The following DTD1 variants were observed in gnomAD, a reference collection of about 807,000 sequenced individuals.
DTD1 encodes D-aminoacyl-tRNA deacylase 1, also known as D-tyrosyl-tRNA deacylase 1 homolog.
In DTD1, 13 loss-of-function variants were observed where a neutral mutation model predicts 25.6. The observed-to-expected ratio is 0.51, with a 90% CI of 0.33 to 0.81. DTD1 has a LOEUF of 0.81. Among genes scored for constraint, DTD1 ranks in the 30% least tolerant of loss-of-function variants. DTD1 has a pLI of 0.02. For missense variants in DTD1, 193 were observed against 266.4 expected (o/e 0.72, Z 1.92); for synonymous variants, 110 against 103.6 (o/e 1.06, Z -0.37).
At position 18,588,129 on chromosome 20, in the gene DTD1, G is replaced by C; in HGVS notation, c.43+14G>C. 1 of 1,271,276 alleles carries C rather than the reference G, an allele frequency of 7.9e-7. No individual in the cohort carries two copies. Among genetic ancestry groups the C allele is most frequent in the Non-Finnish European group, 9.9e-7 (1 of 1,009,808 alleles). The allele number at this position is 1,271,276 out of a possible 1,614,324, so 78.7% of individuals were successfully genotyped here. ...CCAGCGTCACAGGTCAGTCGGGCGG[G>C]GCCGGGCCCGGGAGGAGCCGCCCCT... On this transcript the variant is annotated intron_variant, in intron 1 of 5. Coordinates refer to ENST00000377452, the MANE Select transcript of DTD1 (RefSeq NM_080820.6).
intron 3 of DTD1, among the ~76,000 whole-genome samples, chr20:18,602,702 T>C (rs2060640401): frequency 2.5e-5 from 1 of 39,600 alleles, no homozygotes; most frequent in African/African-American, 9.2e-5. Flanking sequence ...AGAAATAAAA[T>C]ACTTTACAGA....
intron 4 of DTD1, among the ~76,000 whole-genome samples, chr20:18,686,364 G>A (rs2061016470): frequency 6.6e-6 from 1 of 152,120 alleles, no homozygotes; most frequent in African/African-American, 2.4e-5. Context: ...ATCTATTTTT[G>A]CATATATACC....
intron 4 of DTD1, among the ~76,000 whole-genome samples, chr20:18,647,832 G>A (rs189341359): frequency 1.3e-5 from 2 of 152,120 alleles, no homozygotes; most frequent in Non-Finnish European, 2.9e-5. Context: ...GATTGGACTG[G>A]GCAAGGTAAA....
intron 3 of DTD1, among the ~76,000 whole-genome samples, chr20:18,605,772 CAAT>C (rs558194705): frequency 0.43 from 34,788 of 80,334 alleles, 6,946 homozygotes; most frequent in Non-Finnish European, 0.47. Flanking sequence ...ATACAAAAAT[CAAT>C]TCAAGATGGA....
At chr20:18,727,587 A>G (rs1157756226) in intron 4 of DTD1, among the ~76,000 whole-genome samples, 1 of 152,198 alleles carries the variant, frequency 6.6e-6, no homozygotes, top group Non-Finnish European at 1.5e-5. Context: ...CAGTCCGCAC[A>G]TGTGAAGTGC....
Position 18,727,734 on chromosome 20 carries a change from AAAG to A in DTD1, c.478-16365_478-16363del, listed in dbSNP as rs1300544336. Among the ~76,000 whole-genome samples, 4 of 152,280 alleles carry A rather than the reference AAAG, an allele frequency of 2.6e-5. No individual in the cohort carries two copies. The East Asian group carries it at 7.7e-4, about 29-fold the overall frequency. On this transcript the variant is annotated intron_variant, in intron 4 of 5. Coordinates refer to ENST00000377452, the MANE Select transcript of DTD1 (RefSeq NM_080820.6). ...TTTCTCTATTTTGGGCATTCCATGTAAAGGAGGGCACACAGTATGTGACCTTTG... is the reference window on the plus strand; with the variant it reads ...TTTCTCTATTTTGGGCATTCCATGTAGAGGGCACACAGTATGTGACCTTTG...
At chr20:18,724,010 C>T (rs1276170795) in intron 4 of DTD1, among the ~76,000 whole-genome samples, 3 of 152,250 alleles carry the variant, frequency 2.0e-5, no homozygotes, top group East Asian at 1.9e-4. Flanking sequence ...CCAGGCATTG[C>T]GTGGAGACAC....
rs758822457 is a variant in DTD1 at position 18,628,159 on chromosome 20, A to G, written c.403A>G (p.Ile135Val). 148 of 1,613,804 alleles carry G rather than the reference A, an allele frequency of 9.2e-5. No individual in the cohort carries two copies. The highest frequency in any genetic ancestry group is 1.2e-4 in the Non-Finnish European group (143 of 1,179,850). The change falls in exon 4 of 6, where the codon ATT (isoleucine) becomes GTT (valine). Residue 135 changes from isoleucine to valine, a missense_variant. Coordinates refer to ENST00000377452, the MANE Select transcript of DTD1 (RefSeq NM_080820.6). ...GKFGAYMQVH[I>V]QNDGPVTIEL... Reference sequence around the variant, plus strand: ...GTTTGGGGCCTACATGCAGGTGCACATTCAGAATGATGGGCCTGTGACCAT... The same window carrying G: ...GTTTGGGGCCTACATGCAGGTGCACGTTCAGAATGATGGGCCTGTGACCAT...
At chr20:18,648,105 T>C (rs79235158) in intron 4 of DTD1, among the ~76,000 whole-genome samples, 9 of 152,318 alleles carry the variant, frequency 5.9e-5, no homozygotes, top group East Asian at 1.9e-4. Context: ...CCCTTCATTG[T>C]TGGCTCATAT....
At chr20:18,635,511 G>A (rs1434259349) in intron 4 of DTD1, among the ~76,000 whole-genome samples, 1 of 152,178 alleles carries the variant, frequency 6.6e-6, no homozygotes, top group Non-Finnish European at 1.5e-5. Context: ...AGCCCTCTGG[G>A]GAGTGAGTTG....
chr20:18,733,706 T>C (rs1676504848), intron 4 of DTD1, among the ~76,000 whole-genome samples: 2 of 152,102 alleles, frequency 1.3e-5, no homozygotes, highest in South Asian at 2.1e-4. Context: ...TTTCAAACAA[T>C]GGGGAATTAG....
chr20:18,672,178 G>A (rs1277582093), intron 4 of DTD1, among the ~76,000 whole-genome samples: 1 of 152,284 alleles, frequency 6.6e-6, no homozygotes, highest in African/African-American at 2.4e-5. Flanking sequence ...AGGCTGCAGT[G>A]AGCAGTGATT....
At chr20:18,695,002 A>T (rs1049650497) in intron 4 of DTD1, among the ~76,000 whole-genome samples, 1 of 152,124 alleles carries the variant, frequency 6.6e-6, no homozygotes, top group Non-Finnish European at 1.5e-5. Context: ...GTGCCAATAG[A>T]TTCCCTTCAG....
chr20:18,634,510 A>G (rs1473856747), intron 4 of DTD1, among the ~76,000 whole-genome samples: 1 of 152,224 alleles, frequency 6.6e-6, no homozygotes, highest in Non-Finnish European at 1.5e-5. Flanking sequence ...TTTATTGACA[A>G]ATCACTGGGA....
chr20:18,643,290 G>T, intron 4 of DTD1: 2 of 340,682 alleles, frequency 5.9e-6, no homozygotes, highest in South Asian at 5.2e-5. Flanking sequence ...ATGCCTTGTT[G>T]AGAGTGCGTA....
chr20:18,651,038 AC>A (rs2060872239), intron 4 of DTD1, among the ~76,000 whole-genome samples: 1 of 152,240 alleles, frequency 6.6e-6, no homozygotes, highest in African/African-American at 2.4e-5. Context: ...CTGAAAGAGA[AC>A]CTGATTATTT....
chr20:18,723,257 C>A (rs2061211772), intron 4 of DTD1, among the ~76,000 whole-genome samples: 1 of 152,190 alleles, frequency 6.6e-6, no homozygotes, highest in Non-Finnish European at 1.5e-5. Flanking sequence ...TCTAGAGGGG[C>A]AGGGGAAGGC....
intron 3 of DTD1, among the ~76,000 whole-genome samples, chr20:18,619,282 A>G (rs546559278): frequency 6.6e-6 from 1 of 152,308 alleles, no homozygotes; most frequent in African/African-American, 2.4e-5. Context: ...TGCTGGGTAG[A>G]CAATTTTGAT....
At chr20:18,693,058 T>G (rs924517696) in intron 4 of DTD1, among the ~76,000 whole-genome samples, 1 of 151,902 alleles carries the variant, frequency 6.6e-6, no homozygotes, top group African/African-American at 2.4e-5. Flanking sequence ...GCCTGGCTAA[T>G]TTTTTTGTCT....
Sources: gnomAD v4.1 joint callset for allele counts (sites outside exome capture counted in the v4.1 genomes callset) on GRCh38, gnomAD v4.1.1 for gene constraint, MANE v1.5 for transcripts, NCBI Gene and HGNC (gene_info 2026-07-23, HGNC 2026-07-21) for gene names.